Variants in PPP1R1C observed in about 807,000 individuals in gnomAD.
The protein encoded by PPP1R1C is protein phosphatase 1 regulatory inhibitor subunit 1C.
In PPP1R1C, 15 loss-of-function variants were observed where a neutral mutation model predicts 17.4. The ratio of observed to expected loss-of-function variants is 0.86; its 90% CI spans 0.58 to 1.33. The LOEUF (loss-of-function observed/expected upper bound fraction) is 1.33, where lower values mean the gene tolerates loss of function less well. PPP1R1C is among the 40% of genes most tolerant of loss of function. PPP1R1C has a pLI of 0.00. For synonymous variants in PPP1R1C, 35 were observed against 43.1 expected (o/e 0.81, Z 0.73); for missense variants, 143 against 130.0 (o/e 1.10, Z -0.48).
At chr2:182,094,963 G>A (rs753335205) in intron 4 of PPP1R1C, among the ~76,000 whole-genome samples, 4 of 152,086 alleles carry the variant, frequency 2.6e-5, no homozygotes, top group Non-Finnish European at 5.9e-5. Flanking sequence ...ATAGATCAAA[G>A]GTCATTCGTG....
chr2:182,123,539 G>A (rs992049842), intron 5 of PPP1R1C, among the ~76,000 whole-genome samples: 8 of 152,004 alleles, frequency 5.3e-5, no homozygotes, highest in African/African-American at 1.2e-4. Flanking sequence ...TTTAATGATC[G>A]CCATTTTAAC....
downstream of PPP1R1C, among the ~76,000 whole-genome samples, chr2:182,120,486 T>A (rs1689707801): frequency 2.0e-5 from 3 of 152,180 alleles, no homozygotes; most frequent in African/African-American, 7.2e-5. Flanking sequence ...TCACCACCGA[T>A]CCCCTGACTT....
rs188954307 is a variant in PPP1R1C, at chr2:182,039,811, C to T, written c.143-21631C>T. Among the ~76,000 whole-genome samples, 491 of 152,298 alleles carry T rather than the reference C, an allele frequency of 3.2e-3. 2 individuals carry two copies. The highest frequency in any genetic ancestry group is 0.027 in the Middle Eastern group (8 of 294). On this transcript the variant is annotated intron_variant, in intron 2 of 4. Transcript: ENST00000682840. The stretch of plus-strand genomic sequence containing the variant: ...TTTAATCCTTCACCCCCCTCACCCT[C>T]TCCCAATTCTGAGTCTCCAAAGTCC...
chr2:182,066,684 T>C (rs993669160), intron 4 of PPP1R1C, among the ~76,000 whole-genome samples: 2 of 152,152 alleles, frequency 1.3e-5, no homozygotes, highest in Non-Finnish European at 2.9e-5. Context: ...AAGTTGAAGT[T>C]TGCATAGAAA....
intron 4 of PPP1R1C, among the ~76,000 whole-genome samples, chr2:182,096,020 G>A (rs1387965412): frequency 6.6e-6 from 1 of 150,718 alleles, no homozygotes; most frequent in Admixed American, 6.6e-5. Context: ...GGTAGTACCT[G>A]ATACCCCATA....
intron 4 of PPP1R1C, among the ~76,000 whole-genome samples, chr2:182,069,947 T>C (rs1268791976): frequency 6.6e-6 from 1 of 152,194 alleles, no homozygotes; most frequent in Non-Finnish European, 1.5e-5. Context: ...TATGAGCCTT[T>C]GCCATGTGTG....
At chr2:182,083,877 C>T (rs1374959548) in intron 4 of PPP1R1C, among the ~76,000 whole-genome samples, 1 of 152,082 alleles carries the variant, frequency 6.6e-6, no homozygotes, top group African/African-American at 2.4e-5. Context: ...TTAAAATTTC[C>T]ACCAGCAGTG....
chr2:182,106,560 A>G (rs921280987), intron 4 of PPP1R1C, among the ~76,000 whole-genome samples: 1 of 152,116 alleles, frequency 6.6e-6, no homozygotes, highest in Non-Finnish European at 1.5e-5. Flanking sequence ...ATCTGCTGAG[A>G]GCTACCTCCA....
At chr2:182,066,445 A>G (rs893614368) in intron 4 of PPP1R1C, among the ~76,000 whole-genome samples, 2 of 152,144 alleles carry the variant, frequency 1.3e-5, no homozygotes, top group African/African-American at 2.4e-5. Context: ...GAAACAAAAC[A>G]CAGCTAAAAG....
chr2:182,075,448 C>T (rs1031159511), intron 4 of PPP1R1C, among the ~76,000 whole-genome samples: 5 of 152,100 alleles, frequency 3.3e-5, no homozygotes, highest in Admixed American at 3.3e-4. Flanking sequence ...TTCTTAAAAG[C>T]CAGTTGGTCC....
intron 2 of PPP1R1C, among the ~76,000 whole-genome samples, chr2:182,057,440 A>C (rs1386819421): frequency 6.6e-6 from 1 of 152,136 alleles, no homozygotes; most frequent in Non-Finnish European, 1.5e-5. Flanking sequence ...GTATGAGGGC[A>C]GGAGTTTTCT....
At chr2:182,106,741 TA>T (rs771938112) in intron 4 of PPP1R1C, among the ~76,000 whole-genome samples, 3 of 152,050 alleles carry the variant, frequency 2.0e-5, no homozygotes, top group Non-Finnish European at 4.4e-5. Flanking sequence ...ACAGCACAAC[TA>T]AAAAACTAAA....
chr2:181,985,683 A>T (rs910438833), upstream of PPP1R1C, among the ~76,000 whole-genome samples: 1 of 152,124 alleles, frequency 6.6e-6, no homozygotes, highest in Non-Finnish European at 1.5e-5. This position sits in a 1 kb window ranked among gnomAD's most constrained non-coding sequence, Gnocchi z 4.1. Context: ...TGCAATACTC[A>T]GAGGGAGCTT....
At chr2:182,029,437 G>C (rs1054794485) in intron 2 of PPP1R1C, among the ~76,000 whole-genome samples, 1 of 151,906 alleles carries the variant, frequency 6.6e-6, no homozygotes, top group Non-Finnish European at 1.5e-5. Flanking sequence ...GCATTTGCTT[G>C]TCTGTAAAGT....
At chr2:182,051,439 A>T (rs147703164) in intron 2 of PPP1R1C, among the ~76,000 whole-genome samples, 3 of 152,248 alleles carry the variant, frequency 2.0e-5, no homozygotes, top group African/African-American at 7.2e-5. Flanking sequence ...GATAATATTC[A>T]TAAGGCTTAG....
At chr2:182,077,750 C>T (rs975250200) in intron 4 of PPP1R1C, among the ~76,000 whole-genome samples, 2 of 152,148 alleles carry the variant, frequency 1.3e-5, no homozygotes, top group African/African-American at 4.8e-5. Flanking sequence ...GTATTTTCTT[C>T]ATTGGCAATG....
chr2:182,034,178 A>G (rs991779023), intron 2 of PPP1R1C, among the ~76,000 whole-genome samples: 4 of 152,202 alleles, frequency 2.6e-5, no homozygotes, highest in African/African-American at 9.6e-5. Context: ...TAGAGGCAAA[A>G]TCATTTTCTT....
chr2:182,123,559 A>G (rs777770157), intron 5 of PPP1R1C, among the ~76,000 whole-genome samples: 1 of 152,164 alleles, frequency 6.6e-6, no homozygotes, highest in East Asian at 1.9e-4. Context: ...CTAGCCTGAG[A>G]TGTTATCTCA....
chr2:182,033,291 T>C (rs7578135), intron 2 of PPP1R1C, among the ~76,000 whole-genome samples: 5,819 of 152,260 alleles, frequency 0.038, 372 homozygotes, highest in African/African-American at 0.13. Context: ...CTTACTCTCT[T>C]AATTTTATTT....
Sources: allele counts gnomAD v4.1 joint callset (sites outside exome capture counted in the v4.1 genomes callset), GRCh38; gene constraint gnomAD v4.1.1; non-coding constraint Gnocchi (gnomAD v3.1); transcripts MANE v1.5; gene names NCBI Gene and HGNC (gene_info 2026-07-23, HGNC 2026-07-21).